AQR: variants seen among roughly 807,000 people sequenced by gnomAD.
The protein encoded by AQR is RNA helicase aquarius.
AQR carries 61 observed loss-of-function variants against 180.5 expected under a neutral mutation model. That is an observed-to-expected ratio of 0.34 (90% CI 0.28 to 0.42). The LOEUF is 0.42. Ranked by LOEUF, AQR falls within the 10% of genes least tolerant of loss-of-function variation. The pLI is 1.00. For missense variants in AQR, 1,281 were observed against 1,798.3 expected, an observed-to-expected ratio of 0.71 and a Z score of 5.20; for synonymous variants, 551 against 588.8, an observed-to-expected ratio of 0.94 and a Z score of 0.93.
chr15:34,931,460 AATT>A (rs1426519053), intron 11 of AQR, among the ~76,000 whole-genome samples: 3 of 152,202 alleles, frequency 2.0e-5, no homozygotes, highest in Non-Finnish European at 4.4e-5. Flanking sequence ...CACATACCAA[AATT>A]GTATCTCTAA....
intron 13 of AQR, 51 bp from the exon 14 acceptor site, chr15:34,920,485 T>C (rs1244963977): frequency 7.5e-7 from 1 of 1,335,430 alleles, no homozygotes; most frequent in Non-Finnish European, 1.0e-6. Context: ...TTCACTTCAC[T>C]TTTGAAACAT....
intron 23 of AQR, among the ~76,000 whole-genome samples, chr15:34,890,994 C>T (rs1314985800): frequency 6.6e-6 from 1 of 152,098 alleles, no homozygotes; most frequent in African/African-American, 2.4e-5. Context: ...GAAAGACTCA[C>T]TAATTAAGGT....
At chr15:34,870,688 A>C in intron 31 of AQR, 64 bp downstream of exon 31, 1 of 1,397,910 alleles carries the variant, frequency 7.2e-7, no homozygotes. Flanking sequence ...AAAGCAGAAC[A>C]ATATAAACCT....
At chr15:34,913,191 G>A (rs1893525762) in intron 16 of AQR, among the ~76,000 whole-genome samples, 1 of 152,140 alleles carries the variant, frequency 6.6e-6, no homozygotes, top group South Asian at 2.1e-4. Context: ...TCCAGTTGCA[G>A]TCAATCCCTG....
chr15:34,876,254 T>C (rs537170753), intron 27 of AQR, among the ~76,000 whole-genome samples: 99 of 152,334 alleles, frequency 6.5e-4, no homozygotes, highest in Non-Finnish European at 1.0e-3. Flanking sequence ...CAACTTTACA[T>C]TGAAAAGATC....
chr15:34,932,973 G>T (rs547975797), intron 10 of AQR, among the ~76,000 whole-genome samples: 1 of 151,996 alleles, frequency 6.6e-6, no homozygotes, highest in East Asian at 1.9e-4. Context: ...AAGAAAGAAA[G>T]AAAATCTAGC....
intron 4 of AQR, 74 bp downstream of exon 4, chr15:34,952,811 G>T: frequency 2.8e-6 from 3 of 1,075,268 alleles, no homozygotes; most frequent in East Asian, 2.6e-5. Flanking sequence ...GTGACTCACA[G>T]AAATAACACA....
intron 12 of AQR, 102 bp from the exon 13 acceptor site, chr15:34,927,240 TTCTG>T (rs1893778662): frequency 7.9e-6 from 5 of 633,424 alleles, no homozygotes; most frequent in Non-Finnish European, 1.2e-5. Flanking sequence ...ATTAACGCAT[TTCTG>T]TCTCTTATAT....
intron 32 of AQR, among the ~76,000 whole-genome samples, chr15:34,867,244 C>T (rs1892748615): frequency 6.6e-6 from 1 of 152,018 alleles, no homozygotes; most frequent in South Asian, 2.1e-4. Flanking sequence ...AAGTTTCTAA[C>T]AGATACAGGA....
intron 19 of AQR, among the ~76,000 whole-genome samples, 186 bp downstream of exon 19, chr15:34,904,150 A>G (rs1170881627): frequency 6.6e-6 from 1 of 152,160 alleles, no homozygotes; most frequent in African/African-American, 2.4e-5. Flanking sequence ...TTAAGAAATC[A>G]ATTTCTTTAA....
rs1010788510 is a variant in AQR at position 34,853,698 on chromosome 15, A to G, written c.*3094T>C. The G allele has an allele frequency of 6.6e-5, 10 of 152,212 alleles. No individual in the cohort carries two copies. Among genetic ancestry groups the G allele is most frequent in the African/African-American group, 2.4e-4 (10 of 41,448 alleles). 9.4% of individuals were successfully genotyped at this position (152,212 alleles called of 1,614,324 possible). The stretch of plus-strand genomic sequence containing the variant: ...TCAACAAAGCTTTGAAGAAAAACAG[A>G]GACAGAAACTGGTATTTACTAAGTA... On this transcript the variant is annotated 3_prime_UTR_variant, in exon 35 of 35. Coordinates refer to ENST00000156471, the MANE Select transcript of AQR (RefSeq NM_014691.3).
chr15:34,937,815 C>T (rs1295448762), intron 9 of AQR, among the ~76,000 whole-genome samples: 6 of 151,984 alleles, frequency 3.9e-5, no homozygotes, highest in Non-Finnish European at 7.4e-5. Context: ...TCCCAGGAGA[C>T]GGAGGTTGCA....
At chr15:34,862,461 G>A (rs1892682569) in intron 33 of AQR, among the ~76,000 whole-genome samples, 1 of 152,066 alleles carries the variant, frequency 6.6e-6, no homozygotes, top group South Asian at 2.1e-4. Context: ...AACCTAATAG[G>A]CTGTTTTTAC....
intron 27 of AQR, 35 bp from the exon 28 acceptor site, chr15:34,876,041 T>G: frequency 6.6e-7 from 1 of 1,525,972 alleles, no homozygotes; most frequent in Middle Eastern, 2.2e-4. Flanking sequence ...AAAGACAGCT[T>G]AAAAGTCAAA....
In AQR at chr15:34,938,810, T is replaced by A. The variant is rs922569171; in HGVS notation, c.645A>T (p.Ala215=). The A allele has an allele frequency of 1.1e-5, 18 of 1,604,382 alleles. No homozygotes were observed. The highest frequency in any genetic ancestry group is 1.3e-5 in the African/African-American group (1 of 74,670). ...GTGAAAGAAATCTCCTCTCTTGATA[T>A]GCCCTAAAATCAGAAAGAACATTGA... ...EKMDPEAREQ[A]YQERRFLSQL... The change falls in exon 9 of 35, where the codon GCA becomes GCT. Residue 215 remains alanine (A), a synonymous_variant. Transcript: ENST00000156471.
At chr15:34,940,846 G>A in intron 8 of AQR, 53 bp downstream of exon 8, 2 of 1,351,064 alleles carry the variant, frequency 1.5e-6, no homozygotes, top group Non-Finnish European at 2.1e-6. Context: ...CATCATCTAA[G>A]GTCCACAATC....
intron 23 of AQR, among the ~76,000 whole-genome samples, chr15:34,891,968 T>C (rs919052889): frequency 6.6e-6 from 1 of 152,168 alleles, no homozygotes; most frequent in African/African-American, 2.4e-5. Context: ...CTGAAGAGTA[T>C]TATTTTTAAA....
intron 33 of AQR, among the ~76,000 whole-genome samples, chr15:34,861,528 C>T (rs1260160803): frequency 6.6e-6 from 1 of 152,190 alleles, no homozygotes; most frequent in African/African-American, 2.4e-5. Context: ...GTGATATTGT[C>T]TGACCTGCAC....
chr15:34,946,284 C>A (rs1480042474), intron 5 of AQR, among the ~76,000 whole-genome samples: 2 of 152,190 alleles, frequency 1.3e-5, no homozygotes, highest in Non-Finnish European at 2.9e-5. Context: ...AAACAAAAAA[C>A]CAAAAGAACA....
Sources: allele counts gnomAD v4.1 joint callset (sites outside exome capture counted in the v4.1 genomes callset), GRCh38; gene constraint gnomAD v4.1.1; transcripts MANE v1.5; gene names NCBI Gene and HGNC (gene_info 2026-07-23, HGNC 2026-07-21).